FAM13B: variants seen among roughly 807,000 people sequenced by gnomAD.
FAM13B encodes family with sequence similarity 13 member B, also known as protein FAM13B.
A neutral mutation model predicts 117.3 loss-of-function variants in FAM13B; 60 were observed. The ratio of observed to expected loss-of-function variants is 0.51; its 90% CI spans 0.42 to 0.63. The LOEUF (loss-of-function observed/expected upper bound fraction) is 0.63, where lower values mean the gene tolerates loss of function less well. Ranked by LOEUF, FAM13B falls within the 30% of genes least tolerant of loss-of-function variation. The pLI is 0.00. For missense variants in FAM13B, 972 were observed against 1,091.9 expected, an observed-to-expected ratio of 0.89 and a Z score of 1.55; for synonymous variants, 332 against 356.1, an observed-to-expected ratio of 0.93 and a Z score of 0.76.
intron 4 of FAM13B, among the ~76,000 whole-genome samples, chr5:138,015,167 C>T (rs1784959071): frequency 6.6e-6 from 1 of 152,106 alleles, no homozygotes; most frequent in South Asian, 2.1e-4. Flanking sequence ...GCTAAACATC[C>T]TAAGGTACAC....
chr5:137,984,285 T>C (rs1213401589), intron 10 of FAM13B, among the ~76,000 whole-genome samples: 1 of 152,198 alleles, frequency 6.6e-6, no homozygotes, highest in African/African-American at 2.4e-5. Context: ...TTTTCATCTG[T>C]AGTAGAAATC....
intron 1 of FAM13B, among the ~76,000 whole-genome samples, chr5:138,032,448 G>A (rs191652908): frequency 6.6e-6 from 1 of 152,344 alleles, no homozygotes; most frequent in Non-Finnish European, 1.5e-5. Context: ...GCGGGCAGGA[G>A]AGGTCAGCAA....
chr5:138,026,999 G>A (rs116080065), intron 1 of FAM13B, among the ~76,000 whole-genome samples: 2,123 of 151,286 alleles, frequency 0.014, 38 homozygotes, highest in African/African-American at 0.047. Context: ...GCGAAGTGTG[G>A]TGGCACACAC....
At chr5:137,947,786 T>C (rs772751709) in intron 18 of FAM13B, among the ~76,000 whole-genome samples, 19 of 152,218 alleles carry the variant, frequency 1.2e-4, no homozygotes, top group Non-Finnish European at 2.5e-4. Flanking sequence ...GGTTTCATCA[T>C]GTTGGCCAGG....
intron 7 of FAM13B, 66 bp downstream of exon 7, chr5:138,006,924 G>C (rs1581234044): frequency 1.4e-6 from 2 of 1,418,352 alleles, no homozygotes; most frequent in East Asian, 4.8e-5. Context: ...GTTTCTGAAT[G>C]CTGGAGTGAG....
In FAM13B at chr5:137,962,431, A is replaced by C. The variant is rs1768396679; in HGVS notation, c.1218T>G (p.Gly406=). 3.1e-6 allele frequency: 5 copies of C among 1,613,878 alleles called. No homozygotes were observed. The highest frequency in any genetic ancestry group is 4.2e-6 in the Non-Finnish European group (5 of 1,179,860). ...GILLEPCSDR[G]DSEDGCLERE... ...TCTCAAGACAGCCATCTTCACTATCACCACGGTCACTGCATGGCTCTAACA... is the reference window on the plus strand; with the variant it reads ...TCTCAAGACAGCCATCTTCACTATCCCCACGGTCACTGCATGGCTCTAACA... Residue 406 remains glycine, a synonymous_variant, in exon 11 of 24, where the codon GGT becomes GGG. Coordinates refer to ENST00000689681, the MANE Select transcript of FAM13B (RefSeq NM_001385994.1).
In FAM13B at chr5:138,033,036, T is replaced by A; in HGVS notation, c.-457A>T. On this transcript the variant is annotated 5_prime_UTR_variant, in exon 1 of 24. Coordinates refer to ENST00000689681, the MANE Select transcript of FAM13B (RefSeq NM_001385994.1). ...AGAGAGTGGCGACAGAGGCGGCGGC[T>A]GAGGTGCAGAGCCTCCCTAACGGCG... is the stretch of plus-strand genomic sequence containing the variant. 1.0e-6 allele frequency: 1 copy of A among 985,248 alleles called. No homozygotes were observed. Among genetic ancestry groups the A allele is most frequent in the Non-Finnish European group, 1.2e-6 (1 of 830,916 alleles). The allele number at this position is 985,248 out of a possible 1,614,324, so 61.0% of individuals were successfully genotyped here.
intron 10 of FAM13B, among the ~76,000 whole-genome samples, chr5:137,967,366 A>C (rs1348803564): frequency 6.6e-6 from 1 of 152,138 alleles, no homozygotes; most frequent in Non-Finnish European, 1.5e-5. Context: ...TCTAGTAAAA[A>C]TACAAAAGTT....
chr5:137,944,232 G>A (rs13359605), intron 20 of FAM13B, among the ~76,000 whole-genome samples: 25,678 of 152,050 alleles, frequency 0.17, 2,281 homozygotes, highest in African/African-American at 0.18. Flanking sequence ...TATTTTGAGT[G>A]TACGGGTTAC....
Position 137,987,495 on chromosome 5 carries a change from T to C in FAM13B, c.1012A>G (p.Ser338Gly), listed in dbSNP as rs767845061. 6.2e-7 allele frequency: 1 copy of C among 1,613,056 alleles called. No homozygotes were observed. Among genetic ancestry groups the C allele is most frequent in the East Asian group, 2.2e-5 (1 of 44,788 alleles). Residue 338 changes from serine (S) to glycine (G), a missense_variant, in exon 9 of 24, where the codon AGT becomes GGT. Ser to Gly is a moderately conservative substitution (Grantham distance 56). Transcript: ENST00000689681. ...GATCCTTCCCCATCACAATGAATAC[T>C]TTCTGCTTCATTATTACACACCACA... Reference protein sequence around the residue: ...QSVVCNNEAESIHCDGEGSNN... With the variant: ...QSVVCNNEAEGIHCDGEGSNN...
At chr5:138,009,956 TAC>T (rs1490995235) in intron 6 of FAM13B, among the ~76,000 whole-genome samples, 13 of 152,116 alleles carry the variant, frequency 8.5e-5, no homozygotes, top group Non-Finnish European at 1.5e-4. Flanking sequence ...ACCTTTTTGG[TAC>T]AGAGATACTA....
At chr5:138,036,831 T>C, upstream of FAM13B, 1 of 339,860 alleles carries the variant, frequency 2.9e-6, no homozygotes, top group South Asian at 2.3e-5. Context: ...GGGGACCATG[T>C]GTGCAGACAT....
At position 138,000,186 on chromosome 5, in the gene FAM13B, C is replaced by T. The variant is rs530035962; in HGVS notation, c.848+6804G>A. Among the ~76,000 whole-genome samples, 4 of 152,204 alleles carry T rather than the reference C, an allele frequency of 2.6e-5. No individual in the cohort carries two copies. In the South Asian group the frequency reaches 6.2e-4, roughly 24 times the overall value. ...ACTAAGGCTGGAGAATCACTTGCGC[C>T]TGGGAGCTTGAGACTGGCCTGGGCA... On this transcript the variant is annotated intron_variant, in intron 7 of 23. Transcript: ENST00000689681.
chr5:138,002,888 A>G (rs1781640910), intron 7 of FAM13B, among the ~76,000 whole-genome samples: 1 of 148,452 alleles, frequency 6.7e-6, no homozygotes, highest in African/African-American at 2.5e-5. Flanking sequence ...GTTAGCCAGG[A>G]TGGTCTCGAT....
At chr5:137,946,134 T>C in intron 19 of FAM13B, 94 bp downstream of exon 19, 1 of 1,293,890 alleles carries the variant, frequency 7.7e-7, no homozygotes, top group Admixed American at 2.1e-5. Context: ...GAAATAATGC[T>C]CAAAAAACAG....
At chr5:138,036,291 G>T (rs1191237479), upstream of FAM13B, 2 of 387,474 alleles carry the variant, frequency 5.2e-6, no homozygotes, top group Admixed American at 3.3e-5. Flanking sequence ...TTTTTCTCAT[G>T]GTGCTGCTGT....
At chr5:138,010,691 T>C (rs907733580) in intron 6 of FAM13B, among the ~76,000 whole-genome samples, 1 of 152,130 alleles carries the variant, frequency 6.6e-6, no homozygotes, top group African/African-American at 2.4e-5. Flanking sequence ...TATTCCTCTA[T>C]GCTAGCAGTT....
intron 1 of FAM13B, among the ~76,000 whole-genome samples, chr5:138,047,330 C>T (rs959942789): frequency 2.0e-5 from 3 of 151,222 alleles, no homozygotes; most frequent in Non-Finnish European, 4.4e-5. Flanking sequence ...CAGGGTGAAA[C>T]CCCACCTCTA....
At chr5:138,023,752 G>T (rs1226339125) in intron 1 of FAM13B, among the ~76,000 whole-genome samples, 1 of 152,082 alleles carries the variant, frequency 6.6e-6, no homozygotes, top group Non-Finnish European at 1.5e-5. Flanking sequence ...TAAAAATGAG[G>T]TTTCACCACA....
Sources: gnomAD v4.1 joint callset for allele counts (sites outside exome capture counted in the v4.1 genomes callset) on GRCh38, gnomAD v4.1.1 for gene constraint, MANE v1.5 for transcripts, NCBI Gene and HGNC (gene_info 2026-07-23, HGNC 2026-07-21) for gene names.